Variants in DDX10 observed in about 807,000 individuals in gnomAD.
DDX10 encodes probable ATP-dependent RNA helicase DDX10.
DDX10 carries 74 observed loss-of-function variants against 104.3 expected under a neutral mutation model. That is an observed-to-expected ratio of 0.71 (90% CI 0.59 to 0.86). The LOEUF is 0.86. Ranked by LOEUF, DDX10 falls within the 40% of genes least tolerant of loss-of-function variation. The pLI, the probability that DDX10 is intolerant of heterozygous loss-of-function variation, is 0.00. For missense variants in DDX10, 952 were observed against 1,040.0 expected, an observed-to-expected ratio of 0.92 and a Z score of 1.16; for synonymous variants, 351 against 353.4, an observed-to-expected ratio of 0.99 and a Z score of 0.08.
chr11:108,817,782 A>G (rs1862274762), intron 13 of DDX10, among the ~76,000 whole-genome samples: 1 of 152,246 alleles, frequency 6.6e-6, no homozygotes, highest in Admixed American at 6.5e-5. Context: ...GAGGGCATGC[A>G]AAGTACAGAT....
At chr11:108,754,728 G>C (rs2094342518) in intron 13 of DDX10, among the ~76,000 whole-genome samples, 1 of 151,928 alleles carries the variant, frequency 6.6e-6, no homozygotes, top group South Asian at 2.1e-4. Context: ...GAACAAAAAA[G>C]ATTCTGTTTT....
At chr11:108,778,487 C>A (rs960949276) in intron 13 of DDX10, among the ~76,000 whole-genome samples, 2 of 152,136 alleles carry the variant, frequency 1.3e-5, no homozygotes, top group Non-Finnish European at 2.9e-5. Context: ...AACTGGCTAG[C>A]CATATGTAGA....
chr11:108,914,845 A>AAC (rs1555040615), intron 16 of DDX10, among the ~76,000 whole-genome samples: 1 of 151,646 alleles, frequency 6.6e-6, no homozygotes, highest in African/African-American at 2.4e-5. Flanking sequence ...TAAAAAAAAA[A>AAC]AAAACTGGAA....
intron 13 of DDX10, among the ~76,000 whole-genome samples, chr11:108,748,955 C>CGCCT (rs996928341): frequency 6.6e-6 from 1 of 152,012 alleles, no homozygotes; most frequent in African/African-American, 2.4e-5. Context: ...TGAGCCACCA[C>CGCCT]GCCTGGCCTA....
At chr11:108,675,820 T>TAG in intron 3 of DDX10, 94 bp downstream of exon 3, 4 of 1,460,152 alleles carry the variant, frequency 2.7e-6, no homozygotes, top group Non-Finnish European at 3.7e-6. Flanking sequence ...GTTTTCATGT[T>TAG]AGATTTCATG....
chr11:108,747,047 C>G (rs374794908), intron 13 of DDX10, among the ~76,000 whole-genome samples: 15 of 152,084 alleles, frequency 9.9e-5, no homozygotes, highest in South Asian at 4.2e-4. Flanking sequence ...ATGTGTATGT[C>G]ACATTGTAAG....
intron 13 of DDX10, among the ~76,000 whole-genome samples, chr11:108,782,960 T>C (rs1170522656): frequency 2.0e-5 from 3 of 152,216 alleles, no homozygotes; most frequent in South Asian, 4.1e-4. Flanking sequence ...TTCTCTATTC[T>C]TCACCCACAT....
At chr11:108,836,943 C>T (rs564009740) in intron 13 of DDX10, among the ~76,000 whole-genome samples, 1 of 152,268 alleles carries the variant, frequency 6.6e-6, no homozygotes, top group African/African-American at 2.4e-5. Flanking sequence ...GATAAATGTT[C>T]TAGATTGGTC....
chr11:108,809,482 G>A (rs2134566411), intron 13 of DDX10, among the ~76,000 whole-genome samples: 1 of 152,316 alleles, frequency 6.6e-6, no homozygotes, highest in South Asian at 2.1e-4. Flanking sequence ...AATTTCAGTG[G>A]CATCATCTTT....
chr11:108,854,653 GT>G (rs1862841062), intron 16 of DDX10, among the ~76,000 whole-genome samples: 1 of 152,120 alleles, frequency 6.6e-6, no homozygotes, highest in African/African-American at 2.4e-5. Context: ...TCACGTAGCT[GT>G]CTTTCTACCT....
At chr11:108,843,778 G>A (rs1591833290) in intron 15 of DDX10, among the ~76,000 whole-genome samples, 1 of 151,280 alleles carries the variant, frequency 6.6e-6, no homozygotes, top group East Asian at 1.9e-4. Flanking sequence ...ATTGCACATT[G>A]AGAATTCATG....
intron 14 of DDX10, 49 bp downstream of exon 14, chr11:108,838,614 A>C: frequency 1.3e-6 from 2 of 1,559,322 alleles, no homozygotes; most frequent in Non-Finnish European, 1.7e-6. Context: ...GGAGTATTAG[A>C]AGAGATCGAC....
intron 5 of DDX10, 32 bp from the exon 6 acceptor site, chr11:108,679,339 A>G (rs2094231218): frequency 1.3e-6 from 2 of 1,548,532 alleles, no homozygotes; most frequent in Non-Finnish European, 1.7e-6. Context: ...TATTTTACAT[A>G]TGATAGTTCA....
intron 16 of DDX10, among the ~76,000 whole-genome samples, chr11:108,907,935 T>C (rs1381324237): frequency 5.9e-5 from 9 of 152,162 alleles, no homozygotes; most frequent in Admixed American, 5.9e-4. Flanking sequence ...TAAAAAGTGA[T>C]GGGGCCAGGC....
chr11:108,731,144 A>G (rs1030829577), intron 13 of DDX10, among the ~76,000 whole-genome samples: 3 of 150,100 alleles, frequency 2.0e-5, no homozygotes, highest in Non-Finnish European at 1.5e-5. Flanking sequence ...TCTGCCTCCC[A>G]GGCTCAAGTG....
At chr11:108,844,438 A>C (rs1016169719) in intron 15 of DDX10, among the ~76,000 whole-genome samples, 1 of 152,234 alleles carries the variant, frequency 6.6e-6, no homozygotes, top group Non-Finnish European at 1.5e-5. Context: ...TGTTTACTAC[A>C]ATAGCATACA....
intron 16 of DDX10, among the ~76,000 whole-genome samples, chr11:108,905,059 C>T (rs906873061): frequency 2.6e-5 from 4 of 152,112 alleles, no homozygotes; most frequent in African/African-American, 9.7e-5. Flanking sequence ...GAGTTGCGGG[C>T]TGCCCGTGGA....
chr11:108,719,063 C>T (rs950167306), intron 11 of DDX10, among the ~76,000 whole-genome samples: 1 of 149,164 alleles, frequency 6.7e-6, no homozygotes, highest in Non-Finnish European at 1.5e-5. Context: ...GGATCAGGAC[C>T]CTGTTTATAT....
At chr11:108,858,102 A>G (rs948810776) in intron 16 of DDX10, among the ~76,000 whole-genome samples, 1 of 152,228 alleles carries the variant, frequency 6.6e-6, no homozygotes, top group South Asian at 2.1e-4. Flanking sequence ...GACCTGTTAA[A>G]CATACCATAT....
Sources: gnomAD v4.1 joint callset for allele counts (sites outside exome capture counted in the v4.1 genomes callset) on GRCh38, gnomAD v4.1.1 for gene constraint, MANE v1.5 for transcripts, NCBI Gene and HGNC (gene_info 2026-07-23, HGNC 2026-07-21) for gene names.